PCDHGA5: variants seen among roughly 807,000 people sequenced by gnomAD.
The protein encoded by PCDHGA5 is protocadherin gamma subfamily A, 5.
Under a neutral mutation model 56.7 loss-of-function variants are expected in PCDHGA5, and 36 were observed. The ratio of observed to expected loss-of-function variants is 0.64; its 90% CI spans 0.49 to 0.84. The LOEUF (loss-of-function observed/expected upper bound fraction) is 0.84. PCDHGA5 is among the 40% of genes least tolerant of loss of function. The pLI is 0.00. For synonymous variants in PCDHGA5, 563 were observed against 520.2 expected, an observed-to-expected ratio of 1.08 and a Z score of -1.12; for missense variants, 1,305 against 1,201.5, an observed-to-expected ratio of 1.09 and a Z score of -1.27.
chr5:141,399,685 C>G (rs1344845350), intron 1 of PCDHGA5: 1 of 1,613,532 alleles, frequency 6.2e-7, no homozygotes, highest in African/African-American at 1.3e-5. Context: ...TGACTACGAG[C>G]AGCTGCGCAC....
intron 3 of PCDHGA5, among the ~76,000 whole-genome samples, chr5:141,510,272 TAAAAAA>T (rs546154379): frequency 7.7e-6 from 1 of 130,390 alleles, no homozygotes; most frequent in Non-Finnish European, 1.6e-5. Context: ...GACTCCATCT[TAAAAAA>T]AAAAAAAAAA....
Position 141,489,088 on chromosome 5 carries a change from G to GCCA in PCDHGA5, c.2422-5719_2422-5718insCCA. ...CCCCTGCCCACCCCCGCCACTCGGTGACTAAGAACTGCTGCAAGCAGGCAA... is the reference window on the plus strand; with the variant it reads ...CCCCTGCCCACCCCCGCCACTCGGTGCCAACTAAGAACTGCTGCAAGCAGGCAA... On this transcript the variant is annotated intron_variant, in intron 1 of 3. Coordinates refer to ENST00000518069, the MANE Select transcript of PCDHGA5 (RefSeq NM_018918.3). This position sits in a 1 kb window ranked among gnomAD's most constrained non-coding sequence, Gnocchi z 4.5. The GCCA allele has an allele frequency of 2.9e-6, 1 of 347,238 alleles. No individual in the cohort carries two copies. 21.5% of individuals were successfully genotyped at this position (347,238 alleles called of 1,614,324 possible). A position where few individuals can be genotyped will look rare whatever the true frequency, so the allele number is the denominator to read the frequency against.
chr5:141,446,260 TA>T (rs1207497940), intron 1 of PCDHGA5, among the ~76,000 whole-genome samples: 4 of 152,130 alleles, frequency 2.6e-5, no homozygotes, highest in Non-Finnish European at 4.4e-5. Context: ...GAAATATTAT[TA>T]ACTGAATAAA....
In PCDHGA5 at chr5:141,413,486, C is replaced by T. The variant is rs756751796; in HGVS notation, c.2421+46735C>T. On this transcript the variant is annotated intron_variant, in intron 1 of 3. Transcript: ENST00000518069. Reference sequence around the variant, plus strand: ...CGGGAGGAGCTCTGCGCTCAGAGCGCGCGGTGCGTGGTGAGTTTTAATATC... The same window carrying T: ...CGGGAGGAGCTCTGCGCTCAGAGCGTGCGGTGCGTGGTGAGTTTTAATATC... 5.0e-6 allele frequency: 8 copies of T among 1,613,914 alleles called. No homozygotes were observed. The African/African-American group carries it at 9.3e-5, about 19-fold the overall frequency.
In PCDHGA5 at chr5:141,365,826, C is replaced by A. The variant is rs775602102; in HGVS notation, c.1496C>A (p.Ala499Glu). The A allele has an allele frequency of 2.5e-6, 4 of 1,613,906 alleles. No homozygotes were observed. In the East Asian group the frequency reaches 6.7e-5, roughly 27 times the overall value. ...CTGGCTGAAGACACATTTCAGGGGGCGCCCTTGTCCTCCTATGTATCCATT... is the reference window on the plus strand; with the variant it reads ...CTGGCTGAAGACACATTTCAGGGGGAGCCCTTGTCCTCCTATGTATCCATT... Reference protein sequence around the residue: ...YSLAEDTFQGAPLSSYVSINS... With the variant: ...YSLAEDTFQGEPLSSYVSINS... Residue 499 changes from alanine to glutamate, a missense_variant, in exon 1 of 4, where the codon GCG becomes GAG. Coordinates refer to ENST00000518069, the MANE Select transcript of PCDHGA5 (RefSeq NM_018918.3).
chr5:141,413,211 G>A, intron 1 of PCDHGA5: 1 of 1,613,214 alleles, frequency 6.2e-7, no homozygotes, highest in South Asian at 1.1e-5. Context: ...AGGAATCAAA[G>A]GATTGCAGCG....
intron 1 of PCDHGA5, among the ~76,000 whole-genome samples, chr5:141,468,963 C>G (rs951670777): frequency 1.3e-5 from 2 of 150,940 alleles, no homozygotes; most frequent in Admixed American, 6.6e-5. Context: ...TTTTTTTTAC[C>G]TTAGGCTTTT....
intron 2 of PCDHGA5, among the ~76,000 whole-genome samples, chr5:141,499,738 A>G (rs1284003023): frequency 2.4e-5 from 3 of 127,268 alleles, no homozygotes; most frequent in South Asian, 2.4e-4. Flanking sequence ...TCTCTTGCCC[A>G]GGCTGTGGCA....
At chr5:141,451,892 A>C (rs1215224398) in intron 1 of PCDHGA5, among the ~76,000 whole-genome samples, 2 of 152,114 alleles carry the variant, frequency 1.3e-5, no homozygotes, top group Non-Finnish European at 2.9e-5. Context: ...AAAGAAAGGA[A>C]GGAACAAGGG....
chr5:141,511,267 C>G lies in PCDHGA5; in HGVS notation c.*94C>G. The G allele has an allele frequency of 6.5e-7, 1 of 1,549,404 alleles. No homozygotes were observed. The highest frequency in any genetic ancestry group is 8.7e-7 in the Non-Finnish European group (1 of 1,146,836). On this transcript the variant is annotated 3_prime_UTR_variant, in exon 4 of 4. Coordinates refer to ENST00000518069, the MANE Select transcript of PCDHGA5 (RefSeq NM_018918.3). Reference sequence around the variant, plus strand: ...CCAGGCCTCAGAGTTTCAGGGCTAACCCCCAGAATACTGGTAGGGGCCAAG... The same window carrying G: ...CCAGGCCTCAGAGTTTCAGGGCTAAGCCCCAGAATACTGGTAGGGGCCAAG...
intron 1 of PCDHGA5, among the ~76,000 whole-genome samples, chr5:141,460,120 A>C (rs1404213559): frequency 1.3e-5 from 2 of 151,956 alleles, no homozygotes; most frequent in Non-Finnish European, 2.9e-5. Flanking sequence ...ATTTTTATAT[A>C]TGTAATATAT....
intron 1 of PCDHGA5, among the ~76,000 whole-genome samples, chr5:141,433,553 T>C (rs530467777): frequency 1.3e-5 from 2 of 151,614 alleles, no homozygotes; most frequent in African/African-American, 4.8e-5. Flanking sequence ...TATTCTTTTC[T>C]GGCTGGGCGC....
At chr5:141,404,816 C>A in intron 1 of PCDHGA5, 1 of 1,610,374 alleles carries the variant, frequency 6.2e-7, no homozygotes, top group Non-Finnish European at 8.5e-7. Flanking sequence ...GGTGGGGCTG[C>A]ACACAGGTGA....
At chr5:141,388,405 C>A in intron 1 of PCDHGA5, 1 of 1,613,892 alleles carries the variant, frequency 6.2e-7, no homozygotes, top group Non-Finnish European at 8.5e-7. Context: ...CAACTCAGTC[C>A]CAGTGATCAT....
In PCDHGA5 at chr5:141,476,288, C is replaced by A. The variant is rs1446743849; in HGVS notation, c.2422-18519C>A. 3.1e-6 allele frequency: 5 copies of A among 1,613,980 alleles called. No homozygotes were observed. The highest frequency in any genetic ancestry group is 3.4e-6 in the Non-Finnish European group (4 of 1,180,026). ...CGTGGTCGCGAACCTTGGTTTGGAT[C>A]TCGGTAGCCTCTCAGCCCGCAGGTT... On this transcript the variant is annotated intron_variant, in intron 1 of 3. Coordinates refer to ENST00000518069, the MANE Select transcript of PCDHGA5 (RefSeq NM_018918.3). This position sits in a 1 kb window ranked among gnomAD's most constrained non-coding sequence, Gnocchi z 7.6.
At chr5:141,420,403 G>T in intron 1 of PCDHGA5, 3 of 1,246,014 alleles carry the variant, frequency 2.4e-6, no homozygotes, top group East Asian at 2.8e-5. Context: ...TCAAATTTAT[G>T]GTTATCATTA....
At chr5:141,473,402 T>C (rs1019157713) in intron 1 of PCDHGA5, among the ~76,000 whole-genome samples, 7 of 152,224 alleles carry the variant, frequency 4.6e-5, no homozygotes, top group Non-Finnish European at 7.3e-5. Flanking sequence ...CTTCTTTTTT[T>C]CTTCTTCAGT....
At chr5:141,415,252 C>T (rs895920596) in intron 1 of PCDHGA5, 5 of 1,614,098 alleles carry the variant, frequency 3.1e-6, no homozygotes, top group Non-Finnish European at 4.2e-6. Context: ...AACCTCAGAC[C>T]TCACTCTGTA....
intron 1 of PCDHGA5, chr5:141,478,687 A>G: frequency 6.4e-7 from 1 of 1,551,218 alleles, no homozygotes; most frequent in Middle Eastern, 1.7e-4. Context: ...CCCTTCCTAG[A>G]TCAAAGTTAG....
Sources: gnomAD v4.1 joint callset for allele counts (sites outside exome capture counted in the v4.1 genomes callset) on GRCh38, gnomAD v4.1.1 for gene constraint, Gnocchi (gnomAD v3.1) non-coding constraint, MANE v1.5 for transcripts, NCBI Gene and HGNC (gene_info 2026-07-23, HGNC 2026-07-21) for gene names.